DTNBP1: variants seen among roughly 807,000 people sequenced by gnomAD.
The protein encoded by DTNBP1 is dysbindin.
DTNBP1 carries 35 observed loss-of-function variants against 42.8 expected under a neutral mutation model. The ratio of observed to expected loss-of-function variants is 0.82; its 90% CI spans 0.63 to 1.09. The LOEUF is 1.09. DTNBP1 is among the 50% of genes least tolerant of loss of function. DTNBP1 has a pLI of 0.00. For missense variants in DTNBP1, 457 were observed against 424.2 expected, an observed-to-expected ratio of 1.08 and a Z score of -0.68; for synonymous variants, 171 against 162.2, an observed-to-expected ratio of 1.05 and a Z score of -0.41.
intron 7 of DTNBP1, among the ~76,000 whole-genome samples, chr6:15,583,520 C>T (rs1374770966): frequency 1.3e-5 from 2 of 152,184 alleles, no homozygotes; most frequent in African/African-American, 2.4e-5. Context: ...CCAGCACACA[C>T]CTCTAAAAAG....
chr6:15,561,807 C>A (rs185590303), intron 7 of DTNBP1, among the ~76,000 whole-genome samples: 149 of 152,224 alleles, frequency 9.8e-4, no homozygotes, highest in Non-Finnish European at 1.9e-3. Flanking sequence ...GTCATGAAGA[C>A]CCTGTTGATA....
intron 7 of DTNBP1, among the ~76,000 whole-genome samples, chr6:15,565,251 G>A (rs1262293567): frequency 6.6e-6 from 1 of 152,170 alleles, no homozygotes; most frequent in Non-Finnish European, 1.5e-5. Flanking sequence ...ATTGTAAAAA[G>A]TCACTCTGGA....
chr6:15,615,524 T>A, intron 5 of DTNBP1, 125 bp from the exon 6 acceptor site: 2 of 1,293,580 alleles, frequency 1.5e-6, no homozygotes, highest in Non-Finnish European at 2.2e-6. Flanking sequence ...ATGTTTTTTA[T>A]TAAACTTTCT....
chr6:15,639,459 T>C (rs1196313168), intron 3 of DTNBP1, among the ~76,000 whole-genome samples: 5 of 152,208 alleles, frequency 3.3e-5, no homozygotes, highest in Admixed American at 3.3e-4. Context: ...CCTCCCCTCA[T>C]AGTCAGATTC....
At chr6:15,651,836 CTAAT>C (rs1761017573) in intron 2 of DTNBP1, among the ~76,000 whole-genome samples, 1 of 152,178 alleles carries the variant, frequency 6.6e-6, no homozygotes, top group Admixed American at 6.5e-5. Context: ...TTAAAAATGA[CTAAT>C]TGTGATCAAA....
At chr6:15,593,155 T>C (rs1320538321) in intron 6 of DTNBP1, 74 bp from the exon 7 acceptor site, 3 of 1,362,458 alleles carry the variant, frequency 2.2e-6, no homozygotes, top group Non-Finnish European at 3.0e-6. Context: ...TCTTCCATCA[T>C]AATAAAAACT....
At chr6:15,610,314 A>G (rs1758321757) in intron 6 of DTNBP1, among the ~76,000 whole-genome samples, 1 of 152,210 alleles carries the variant, frequency 6.6e-6, no homozygotes, top group African/African-American at 2.4e-5. Context: ...GGGTGCCACA[A>G]GCCCCATAAA....
At chr6:15,643,477 C>G (rs529355755) in intron 3 of DTNBP1, among the ~76,000 whole-genome samples, 1 of 151,836 alleles carries the variant, frequency 6.6e-6, no homozygotes, top group Non-Finnish European at 1.5e-5. Context: ...ATGACATCCC[C>G]GAGACAAACA....
chr6:15,567,589 C>T (rs1337214491), intron 7 of DTNBP1, among the ~76,000 whole-genome samples: 14 of 152,230 alleles, frequency 9.2e-5, no homozygotes, highest in Non-Finnish European at 1.8e-4. Context: ...GTACAATTCA[C>T]GTATGACCTG....
intron 7 of DTNBP1, among the ~76,000 whole-genome samples, chr6:15,555,370 T>A (rs545080405): frequency 6.6e-6 from 1 of 152,128 alleles, no homozygotes; most frequent in Admixed American, 6.5e-5. Flanking sequence ...TCAGGCCTCC[T>A]GGGCTGCATT....
At chr6:15,564,389 A>C (rs1031533318) in intron 7 of DTNBP1, among the ~76,000 whole-genome samples, 2 of 152,016 alleles carry the variant, frequency 1.3e-5, no homozygotes, top group Non-Finnish European at 2.9e-5. Context: ...AGAAGCAGAC[A>C]AAAAAAATTT....
chr6:15,640,693 G>C (rs1760292553), intron 3 of DTNBP1, among the ~76,000 whole-genome samples: 1 of 152,170 alleles, frequency 6.6e-6, no homozygotes, highest in Non-Finnish European at 1.5e-5. Context: ...CAGAGTAAGA[G>C]GCATCTAGAA....
rs1315679884 is a variant in DTNBP1, at chr6:15,624,420, A to G, written c.355+2923T>C. On this transcript the variant is annotated intron_variant, in intron 5 of 9. Coordinates refer to ENST00000344537, the MANE Select transcript of DTNBP1 (RefSeq NM_032122.5). ...GGACTGAAGCCAATATGAATGGATC[A>G]TCTGTTGTAACTTAACAATTCCCAA... Among the ~76,000 whole-genome samples the G allele has an allele frequency of 2.6e-5, 4 of 152,238 alleles. No individual in the cohort carries two copies. The East Asian group carries it at 7.7e-4, about 29-fold the overall frequency.
At chr6:15,598,643 G>A (rs1776604407) in intron 6 of DTNBP1, among the ~76,000 whole-genome samples, 1 of 119,094 alleles carries the variant, frequency 8.4e-6, no homozygotes, top group South Asian at 2.8e-4. Flanking sequence ...GAGGTCTGTT[G>A]TTTTCCGGCA....
intron 7 of DTNBP1, among the ~76,000 whole-genome samples, chr6:15,568,120 A>C (rs971795400): frequency 3.9e-5 from 6 of 152,178 alleles, no homozygotes; most frequent in Non-Finnish European, 7.3e-5. Context: ...ATAATTCTCT[A>C]ACTTTCCCCT....
At chr6:15,531,302 C>T (rs1213568982) in intron 8 of DTNBP1, among the ~76,000 whole-genome samples, 2 of 152,148 alleles carry the variant, frequency 1.3e-5, no homozygotes, top group Admixed American at 6.5e-5. Context: ...GGATAAAAAT[C>T]CCTGGAGCAA....
chr6:15,590,822 T>C (rs997489262), intron 7 of DTNBP1, among the ~76,000 whole-genome samples: 5 of 152,180 alleles, frequency 3.3e-5, no homozygotes, highest in African/African-American at 1.2e-4. Context: ...ATCCAGAACA[T>C]GGTGGATGAT....
At chr6:15,592,261 C>T (rs1380496172) in intron 7 of DTNBP1, among the ~76,000 whole-genome samples, 2 of 152,114 alleles carry the variant, frequency 1.3e-5, no homozygotes, top group African/African-American at 4.8e-5. Flanking sequence ...GTATAATAAG[C>T]ATAAAACAAC....
intron 7 of DTNBP1, among the ~76,000 whole-genome samples, chr6:15,562,325 C>T (rs1379865132): frequency 1.3e-5 from 2 of 152,112 alleles, no homozygotes; most frequent in African/African-American, 4.8e-5. Context: ...TTTATAGCAG[C>T]ATTTACTTAT....
Sources: allele counts gnomAD v4.1 joint callset (sites outside exome capture counted in the v4.1 genomes callset), GRCh38; gene constraint gnomAD v4.1.1; transcripts MANE v1.5; gene names NCBI Gene and HGNC (gene_info 2026-07-23, HGNC 2026-07-21).